Variants in BYSL observed in about 807,000 individuals in gnomAD.
BYSL encodes the protein bystin.
BYSL carries 21 observed loss-of-function variants against 45.4 expected under a neutral mutation model. The ratio of observed to expected loss-of-function variants is 0.46; its 90% CI spans 0.33 to 0.67. The LOEUF (loss-of-function observed/expected upper bound fraction) is 0.67. Ranked by LOEUF, BYSL falls within the 30% of genes least tolerant of loss-of-function variation. The probability of loss-of-function intolerance (pLI) is 0.02; values close to 1 mark genes in which losing one functional copy is unlikely to be tolerated. For synonymous variants in BYSL, 215 were observed against 231.3 expected (o/e 0.93, Z 0.64); for missense variants, 522 against 578.5 (o/e 0.90, Z 1.00).
upstream of BYSL, among the ~76,000 whole-genome samples, chr6:41,916,551 G>A (rs1317597535): frequency 6.6e-6 from 1 of 152,114 alleles, no homozygotes; most frequent in African/African-American, 2.4e-5. Flanking sequence ...TTGCACTCCA[G>A]CCTGGGCAAC....
At chr6:41,921,041 A>C (rs1490236805), upstream of BYSL, 1 of 1,611,508 alleles carries the variant, frequency 6.2e-7, no homozygotes, top group Non-Finnish European at 8.5e-7. Context: ...GGAAGGTGGC[A>C]GAATCACACA....
In BYSL at chr6:41,931,510, C is replaced by T; in HGVS notation, c.819C>T (p.Tyr273=). The T allele has an allele frequency of 6.2e-7, 1 of 1,614,206 alleles. No homozygotes were observed. The highest frequency in any genetic ancestry group is 8.5e-7 in the Non-Finnish European group (1 of 1,180,040). ...ACAAACGACTCAACTTCCATCTCTA[C>T]ATGGCTCTCAAGAAGGCCCTTTTCA... is the stretch of plus-strand genomic sequence containing the variant. ...AEYKRLNFHL[Y]MALKKALFKP... The change falls in exon 5 of 7, where the codon TAC becomes TAT. Residue 273 remains tyrosine (Y), a synonymous_variant. Coordinates refer to ENST00000230340, the MANE Select transcript of BYSL (RefSeq NM_004053.4).
At chr6:41,931,309 T>C in intron 4 of BYSL, 87 bp from the exon 5 acceptor site, 2 of 1,480,144 alleles carry the variant, frequency 1.4e-6, no homozygotes, top group Non-Finnish European at 1.9e-6. Context: ...TTAAAACCTC[T>C]TGTATGCACT....
chr6:41,921,712 G>T lies in BYSL; in HGVS notation c.150G>T (p.Val50=). Residue 50 remains valine, a synonymous_variant, in exon 1 of 7, where the codon GTG becomes GTT. Coordinates refer to ENST00000230340, the MANE Select transcript of BYSL (RefSeq NM_004053.4). ...CAGGAGAAGCGGAGGAAGAGTATGT[G>T]GGGCCCCGGCTGAGCCGACGGATTT... ...RGTGEAEEEY[V]GPRLSRRILQ... is the part of the protein sequence containing the mutation. 6.2e-7 allele frequency: 1 copy of T among 1,613,502 alleles called. No homozygotes were observed. The highest frequency in any genetic ancestry group is 8.5e-7 in the Non-Finnish European group (1 of 1,179,824).
At chr6:41,909,979 C>T in the BYSL span, among the ~76,000 whole-genome samples, 1 of 152,110 alleles carries the variant, frequency 6.6e-6, no homozygotes, top group Non-Finnish European at 1.5e-5. Context: ...AGCTTAGCCT[C>T]CTCCCTCTTT....
chr6:41,909,006 G>C, the BYSL span: 5 of 507,004 alleles, frequency 9.9e-6, no homozygotes, highest in Admixed American at 1.1e-4. Flanking sequence ...AACATAGTAA[G>C]ACCTCATTTC....
At chr6:41,930,812 G>C (rs376139326) in intron 4 of BYSL, 44 bp downstream of exon 4, 20 of 1,585,544 alleles carry the variant, frequency 1.3e-5, no homozygotes, top group African/African-American at 2.7e-5. Flanking sequence ...TATAGGTGCA[G>C]GCTGAGTTTG....
the BYSL span, among the ~76,000 whole-genome samples, chr6:41,916,102 G>A: frequency 6.6e-6 from 1 of 151,850 alleles, no homozygotes; most frequent in East Asian, 1.9e-4. Context: ...TAAAATATTA[G>A]CCAGGCGTGG....
At chr6:41,927,919 C>T (rs547017318) in intron 2 of BYSL, among the ~76,000 whole-genome samples, 32 of 152,136 alleles carry the variant, frequency 2.1e-4, no homozygotes, top group Non-Finnish European at 4.1e-4. Flanking sequence ...GGTTTTTCAA[C>T]CTCAGCATTA....
intron 1 of BYSL, among the ~76,000 whole-genome samples, chr6:41,925,642 C>T (rs1582071679): frequency 6.6e-6 from 1 of 151,842 alleles, no homozygotes; most frequent in Admixed American, 6.6e-5. Context: ...GGATTACAGG[C>T]GTGAGCCACC....
At chr6:41,918,366 T>C (rs570896255), upstream of BYSL, among the ~76,000 whole-genome samples, 68 of 150,396 alleles carry the variant, frequency 4.5e-4, no homozygotes, top group Middle Eastern at 3.5e-3. Flanking sequence ...TAGCCAGGCA[T>C]GGTGGTGTGC....
chr6:41,918,407 G>A (rs1477604410), upstream of BYSL, among the ~76,000 whole-genome samples: 3 of 152,096 alleles, frequency 2.0e-5, no homozygotes, highest in Non-Finnish European at 2.9e-5. Flanking sequence ...GGGAGGCTGA[G>A]GCAGGAGAAT....
At chr6:41,921,937 C>G (rs569705603) in intron 1 of BYSL, 107 bp downstream of exon 1, 1 of 1,408,862 alleles carries the variant, frequency 7.1e-7, no homozygotes, top group East Asian at 2.5e-5. Context: ...ACAAAGGGGT[C>G]CGTATTACAC....
intron 1 of BYSL, among the ~76,000 whole-genome samples, chr6:41,925,190 G>A (rs1158233029): frequency 2.0e-5 from 3 of 152,276 alleles, no homozygotes; most frequent in South Asian, 2.1e-4. Flanking sequence ...CCGTTGGAAC[G>A]TGGAGACAAA....
At position 41,921,808 on chromosome 6, in the gene BYSL, G is replaced by C. The variant is rs769134151; in HGVS notation, c.246G>C (p.Pro82=). Reference sequence around the variant, plus strand: ...GGACTGGGGACAAGCCCGCGGCGCCGCGGGAACGCACCACGCGGCTGGGTG... The same window carrying C: ...GGACTGGGGACAAGCCCGCGGCGCCCCGGGAACGCACCACGCGGCTGGGTG... ...EHGTGDKPAA[P]RERTTRLGPR... Residue 82 remains proline (P), a synonymous_variant, in exon 1 of 7, where the codon CCG becomes CCC. Transcript: ENST00000230340. The C allele has an allele frequency of 6.2e-7, 1 of 1,611,794 alleles. No individual in the cohort carries two copies. Among genetic ancestry groups the C allele is most frequent in the Non-Finnish European group, 8.5e-7 (1 of 1,179,352 alleles).
chr6:41,917,490 C>A (rs1222498939), upstream of BYSL: 2 of 235,650 alleles, frequency 8.5e-6, no homozygotes, highest in Non-Finnish European at 1.8e-5. Flanking sequence ...TGAATGTGAA[C>A]AATCAATTAA....
the BYSL span, among the ~76,000 whole-genome samples, chr6:41,914,984 A>C: frequency 1.2e-4 from 19 of 152,226 alleles, no homozygotes; most frequent in African/African-American, 4.1e-4. Flanking sequence ...TGGATTGTTA[A>C]ATGTAGATTA....
intron 1 of BYSL, among the ~76,000 whole-genome samples, chr6:41,926,586 G>A (rs1479013712): frequency 6.6e-6 from 1 of 151,494 alleles, no homozygotes; most frequent in Non-Finnish European, 1.5e-5. Context: ...AAATAGCTGG[G>A]ACTACAGGCG....
Position 41,932,431 on chromosome 6 carries a change from G to T in BYSL, c.1039G>T (p.Asp347Tyr). The change falls in exon 7 of 7, where the codon GAT (aspartate) becomes TAT (tyrosine). Residue 347 changes from aspartate to tyrosine, a missense_variant. Coordinates refer to ENST00000230340, the MANE Select transcript of BYSL (RefSeq NM_004053.4). This position sits in a 1 kb window ranked among gnomAD's most constrained non-coding sequence, Gnocchi z 4.7. ...CAGCATCTTCCTGCGACTGCTGCTGGATAAGAAGTATGCACTGCCTTACCG... is the reference window on the plus strand; with the variant it reads ...CAGCATCTTCCTGCGACTGCTGCTGTATAAGAAGTATGCACTGCCTTACCG... Reference protein sequence around the residue: ...ANSIFLRLLLDKKYALPYRVL... With the variant: ...ANSIFLRLLLYKKYALPYRVL... The T allele has an allele frequency of 1.2e-6, 2 of 1,614,132 alleles. No individual in the cohort carries two copies. The highest frequency in any genetic ancestry group is 1.7e-6 in the Non-Finnish European group (2 of 1,180,042).
Sources: allele counts gnomAD v4.1 joint callset (sites outside exome capture counted in the v4.1 genomes callset), GRCh38; gene constraint gnomAD v4.1.1; non-coding constraint Gnocchi (gnomAD v3.1); transcripts MANE v1.5; gene names NCBI Gene and HGNC (gene_info 2026-07-23, HGNC 2026-07-21).